RAB38: variants seen among roughly 807,000 people sequenced by gnomAD.
The protein encoded by RAB38 is RAB38, member RAS oncogene family, also known as ras-related protein Rab-38.
Under a neutral mutation model 18.4 loss-of-function variants are expected in RAB38, and 15 were observed. The ratio of observed to expected loss-of-function variants is 0.82; its 90% CI spans 0.55 to 1.26. RAB38 has a LOEUF of 1.26. Among genes scored for constraint, RAB38 ranks in the 50% most tolerant of loss-of-function variants. The pLI is 0.00. For missense variants in RAB38, 294 were observed against 267.4 expected, an observed-to-expected ratio of 1.10 and a Z score of -0.69; for synonymous variants, 101 against 104.4, an observed-to-expected ratio of 0.97 and a Z score of 0.20.
chr11:88,059,901 G>C, the RAB38 span, among the ~76,000 whole-genome samples: 1 of 152,200 alleles, frequency 6.6e-6, no homozygotes, highest in Non-Finnish European at 1.5e-5. Context: ...CTGTCCTGGT[G>C]CCCAATTCTC....
the RAB38 span, among the ~76,000 whole-genome samples, chr11:87,888,422 A>C: frequency 3.9e-5 from 6 of 151,996 alleles, no homozygotes; most frequent in African/African-American, 1.2e-4. Flanking sequence ...TGAGTTAGAC[A>C]AACATGGGTC....
chr11:87,875,232 T>C, the RAB38 span, among the ~76,000 whole-genome samples: 4 of 151,472 alleles, frequency 2.6e-5, no homozygotes, highest in African/African-American at 9.7e-5. Flanking sequence ...CTTGATTCAA[T>C]CATTCCACAT....
chr11:87,816,655 CTG>C, the RAB38 span: 2 of 151,960 alleles, frequency 1.3e-5, no homozygotes, highest in Non-Finnish European at 2.9e-5. Context: ...CCTTTTGCCA[CTG>C]TGAAATAATT....
At chr11:88,048,824 C>T in the RAB38 span, among the ~76,000 whole-genome samples, 1 of 152,326 alleles carries the variant, frequency 6.6e-6, no homozygotes, top group South Asian at 2.1e-4. Context: ...TAAAGTCCCT[C>T]TTAAAGTAAA....
chr11:87,915,179 A>T, the RAB38 span, among the ~76,000 whole-genome samples: 1 of 152,276 alleles, frequency 6.6e-6, no homozygotes, highest in Admixed American at 6.5e-5. Context: ...GACAGCAGGC[A>T]TGTGAGCTGT....
the RAB38 span, among the ~76,000 whole-genome samples, chr11:87,821,836 G>T: frequency 1.3e-5 from 2 of 148,304 alleles, no homozygotes; most frequent in African/African-American, 5.0e-5. Context: ...GGGCGAAAGA[G>T]CGACACTCCG....
the RAB38 span, among the ~76,000 whole-genome samples, chr11:87,847,213 T>A: frequency 6.6e-6 from 1 of 151,950 alleles, no homozygotes; most frequent in Non-Finnish European, 1.5e-5. Flanking sequence ...TAAGTAAAAA[T>A]CTGTTTTTTA....
At chr11:87,880,444 G>C in the RAB38 span, among the ~76,000 whole-genome samples, 1 of 151,790 alleles carries the variant, frequency 6.6e-6, no homozygotes, top group South Asian at 2.1e-4. Flanking sequence ...AGATCTCCAA[G>C]TTACAGCTTA....
the RAB38 span, among the ~76,000 whole-genome samples, chr11:88,062,299 C>T: frequency 6.6e-6 from 1 of 152,182 alleles, no homozygotes; most frequent in Non-Finnish European, 1.5e-5. Context: ...GACAGTTCCT[C>T]CTTCACATAC....
the RAB38 span, among the ~76,000 whole-genome samples, chr11:87,887,773 T>C: frequency 2.6e-5 from 4 of 151,938 alleles, no homozygotes. Context: ...CCCAGGATTA[T>C]GTGGGACATT....
the RAB38 span, among the ~76,000 whole-genome samples, chr11:88,025,356 C>G: frequency 6.6e-6 from 1 of 151,876 alleles, no homozygotes; most frequent in East Asian, 1.9e-4. Context: ...GTGCATGTGT[C>G]TTTTTGGTAG....
the RAB38 span, among the ~76,000 whole-genome samples, chr11:88,031,554 C>G: frequency 6.6e-6 from 1 of 151,826 alleles, no homozygotes; most frequent in African/African-American, 2.4e-5. Flanking sequence ...AATCAATGTA[C>G]AAAAATCACA....
chr11:87,870,506 G>A, the RAB38 span, among the ~76,000 whole-genome samples: 6 of 151,544 alleles, frequency 4.0e-5, no homozygotes, highest in Admixed American at 1.3e-4. Flanking sequence ...CTCATCAGGG[G>A]TCCGTGACTT....
chr11:88,031,164 G>C, the RAB38 span, among the ~76,000 whole-genome samples: 2 of 152,126 alleles, frequency 1.3e-5, no homozygotes, highest in African/African-American at 2.4e-5. Flanking sequence ...AAAGGCCTTT[G>C]ACAAAATTCA....
the RAB38 span, among the ~76,000 whole-genome samples, chr11:87,972,341 A>G: frequency 6.6e-6 from 1 of 152,094 alleles, no homozygotes; most frequent in African/African-American, 2.4e-5. Flanking sequence ...CACAGTATTG[A>G]ACATGGGAAG....
the RAB38 span, among the ~76,000 whole-genome samples, chr11:88,023,837 T>A: frequency 6.6e-6 from 1 of 152,044 alleles, no homozygotes; most frequent in Non-Finnish European, 1.5e-5. Flanking sequence ...AAACTGGATA[T>A]CCCTATATAA....
chr11:88,029,608 C>A, the RAB38 span, among the ~76,000 whole-genome samples: 3 of 152,100 alleles, frequency 2.0e-5, no homozygotes, highest in East Asian at 5.8e-4. Flanking sequence ...GACTTTAAAC[C>A]AACAAAGATC....
the RAB38 span, among the ~76,000 whole-genome samples, chr11:88,057,560 A>G: frequency 6.6e-6 from 1 of 152,194 alleles, no homozygotes. Flanking sequence ...GTAGTGTTCA[A>G]TAAATGTTGT....
chr11:87,883,416 C>T, the RAB38 span, among the ~76,000 whole-genome samples: 23,950 of 151,844 alleles, frequency 0.16, 3,008 homozygotes, highest in African/African-American at 0.34. Context: ...TGCTGAGCCA[C>T]AGTTTCTTTA....
Sources: allele counts gnomAD v4.1 joint callset (sites outside exome capture counted in the v4.1 genomes callset), GRCh38; gene constraint gnomAD v4.1.1; transcripts MANE v1.5; gene names NCBI Gene and HGNC (gene_info 2026-07-23, HGNC 2026-07-21).